Variants in RBFOX1 observed in about 807,000 individuals in gnomAD.
RBFOX1 encodes the protein RNA binding protein fox-1 homolog 1.
Under a neutral mutation model 57.7 loss-of-function variants are expected in RBFOX1, and 8 were observed. The observed-to-expected ratio is 0.14, with a 90% CI of 0.08 to 0.25. The LOEUF (loss-of-function observed/expected upper bound fraction) is 0.25. Ranked by LOEUF, RBFOX1 falls within the 10% of genes least tolerant of loss-of-function variation. The probability of loss-of-function intolerance (pLI) is 1.00; values close to 1 mark genes in which losing one functional copy is unlikely to be tolerated. For missense variants in RBFOX1, 611 were observed against 548.5 expected, an observed-to-expected ratio of 1.11 and a Z score of -1.14; for synonymous variants, 326 against 222.4, an observed-to-expected ratio of 1.47 and a Z score of -4.15.
At chr16:6,085,037 C>T (rs1039114672) in intron 1 of RBFOX1, among the ~76,000 whole-genome samples, 55 of 152,278 alleles carry the variant, frequency 3.6e-4, no homozygotes, top group African/African-American at 1.2e-3. Context: ...CTGTCCTCAG[C>T]GTGCGTGCTT....
intron 2 of RBFOX1, among the ~76,000 whole-genome samples, chr16:6,466,826 A>T (rs2095059886): frequency 6.6e-6 from 1 of 152,156 alleles, no homozygotes; most frequent in African/African-American, 2.4e-5. Context: ...GAAAAAAATG[A>T]AATCCTCTCA....
chr16:5,474,615 T>G (rs937327736), intron 2 of RBFOX1, among the ~76,000 whole-genome samples: 1 of 151,874 alleles, frequency 6.6e-6, no homozygotes, highest in Admixed American at 6.6e-5. Flanking sequence ...GATCGCGCCA[T>G]TGCACTCCAG....
At chr16:7,587,219 C>T (rs775022018) in intron 6 of RBFOX1, 28 bp from the exon 7 acceptor site, 7 of 1,508,896 alleles carry the variant, frequency 4.6e-6, no homozygotes, top group South Asian at 1.4e-5. Flanking sequence ...TCTCTTCTTG[C>T]TTATAAGATA....
intron 4 of RBFOX1, among the ~76,000 whole-genome samples, chr16:7,408,690 A>C (rs2098386907): frequency 6.6e-6 from 1 of 152,198 alleles, no homozygotes; most frequent in African/African-American, 2.4e-5. Flanking sequence ...CCGAACATGT[A>C]CTTTTTTGTT....
chr16:6,345,310 C>G (rs867292547), intron 2 of RBFOX1, among the ~76,000 whole-genome samples: 5 of 152,192 alleles, frequency 3.3e-5, no homozygotes, highest in African/African-American at 1.2e-4. Context: ...AGGGCTCCCC[C>G]TATAGGCAGT....
intron 4 of RBFOX1, among the ~76,000 whole-genome samples, chr16:5,874,052 A>C (rs2057543345): frequency 6.6e-6 from 1 of 152,240 alleles, no homozygotes; most frequent in Non-Finnish European, 1.5e-5. Context: ...TCAAAGAGTA[A>C]GATGGTTACA....
At chr16:5,353,137 G>T (rs995384039) in intron 1 of RBFOX1, among the ~76,000 whole-genome samples, 4 of 152,202 alleles carry the variant, frequency 2.6e-5, no homozygotes, top group African/African-American at 9.7e-5. Context: ...ACTTTGGGAA[G>T]CCGAGGTGGG....
At chr16:7,683,581 G>A (rs1249793619) in intron 14 of RBFOX1, among the ~76,000 whole-genome samples, 2 of 151,864 alleles carry the variant, frequency 1.3e-5, no homozygotes, top group Admixed American at 6.6e-5. Context: ...AGCCACGTGG[G>A]TAGACACTTT....
Position 7,354,706 on chromosome 16 carries a change from G to A in RBFOX1, c.28-163441G>A, listed in dbSNP as rs530641976. ...AGCACTCTCTGGAAACATACTGTGCGATATGACGGCCACTAGTCACGTGTC... is the reference window on the plus strand; with the variant it reads ...AGCACTCTCTGGAAACATACTGTGCAATATGACGGCCACTAGTCACGTGTC... On this transcript the variant is annotated intron_variant, in intron 4 of 15. Transcript: ENST00000550418. Among the ~76,000 whole-genome samples the A allele has an allele frequency of 2.4e-4, 37 of 152,236 alleles. 1 individual carries two copies. Among genetic ancestry groups the A allele is most frequent in the African/African-American group, 8.9e-4 (37 of 41,548 alleles).
Position 7,574,729 on chromosome 16 carries a change from C to A in RBFOX1, c.271-5048C>A, listed in dbSNP as rs537381029. 9.0e-4 allele frequency among the ~76,000 whole-genome samples: 137 copies of A among 152,228 alleles called. 2 individuals are homozygous for A. The South Asian group carries it at 0.028, about 31-fold the overall frequency. Reference sequence around the variant, plus strand: ...AATGTTTATCTCCTTTGGCAGCACACTAACAGACACACCCAGGACCAATAC... The same window carrying A: ...AATGTTTATCTCCTTTGGCAGCACAATAACAGACACACCCAGGACCAATAC... On this transcript the variant is annotated intron_variant, in intron 5 of 15. Transcript: ENST00000550418.
intron 3 of RBFOX1, among the ~76,000 whole-genome samples, chr16:5,710,769 G>A (rs991884642): frequency 1.3e-5 from 2 of 152,230 alleles, no homozygotes; most frequent in Middle Eastern, 6.8e-3. Context: ...TGTGTCCCTG[G>A]GGACCCCTGG....
intron 3 of RBFOX1, among the ~76,000 whole-genome samples, chr16:6,882,081 C>T (rs1430776395): frequency 3.3e-5 from 5 of 152,098 alleles, no homozygotes; most frequent in Non-Finnish European, 5.9e-5. Flanking sequence ...ATTTCAGTGG[C>T]CCCCTATTCC....
chr16:5,334,165 G>A (rs1047303272), intron 1 of RBFOX1, among the ~76,000 whole-genome samples: 1 of 152,140 alleles, frequency 6.6e-6, no homozygotes, highest in Non-Finnish European at 1.5e-5. Context: ...TGTGGAGTTG[G>A]AATGTGTCTG....
At chr16:6,015,908 T>C (rs2094990808), upstream of RBFOX1, among the ~76,000 whole-genome samples, 1 of 152,208 alleles carries the variant, frequency 6.6e-6, no homozygotes, top group East Asian at 1.9e-4. Flanking sequence ...AAATTGAGTC[T>C]AGTTTATATA....
intron 3 of RBFOX1, among the ~76,000 whole-genome samples, chr16:6,968,427 A>C (rs1426558596): frequency 6.6e-6 from 1 of 152,036 alleles, no homozygotes; most frequent in African/African-American, 2.4e-5. Context: ...CATCTCACGC[A>C]GCTGAAATAA....
intron 4 of RBFOX1, among the ~76,000 whole-genome samples, chr16:7,251,152 C>T (rs1054674244): frequency 6.6e-6 from 1 of 152,146 alleles, no homozygotes; most frequent in Non-Finnish European, 1.5e-5. Flanking sequence ...TCACCAACAT[C>T]TCCCCAACCC....
chr16:6,881,362 A>T (rs1302014731), intron 3 of RBFOX1, among the ~76,000 whole-genome samples: 1 of 152,204 alleles, frequency 6.6e-6, no homozygotes, highest in Admixed American at 6.5e-5. Flanking sequence ...CTAAAACAAC[A>T]AACAGTTACT....
intron 2 of RBFOX1, among the ~76,000 whole-genome samples, chr16:6,386,178 G>C (rs747448670): frequency 1.3e-5 from 2 of 152,012 alleles, no homozygotes; most frequent in Admixed American, 6.6e-5. Flanking sequence ...CTCGTGATCC[G>C]CCCGTCTCGG....
rs76636688 is a variant in RBFOX1, at chr16:5,943,013, C to T, written c.351+75678C>T. On this transcript the variant is annotated intron_variant, in intron 4 of 19. Transcript: ENST00000641259. Reference sequence around the variant, plus strand: ...GCACCCCCCAAGGGGTCTGCACTGACCACAAGCTCAGTATGGGGGGCCATG... The same window carrying T: ...GCACCCCCCAAGGGGTCTGCACTGATCACAAGCTCAGTATGGGGGGCCATG... Among the ~76,000 whole-genome samples the T allele has an allele frequency of 3.9e-5, 6 of 152,306 alleles. No individual in the cohort carries two copies. The East Asian group carries it at 7.7e-4, about 20-fold the overall frequency.
Sources: allele counts gnomAD v4.1 joint callset (sites outside exome capture counted in the v4.1 genomes callset), GRCh38; gene constraint gnomAD v4.1.1; transcripts MANE v1.5; gene names NCBI Gene and HGNC (gene_info 2026-07-23, HGNC 2026-07-21).